Variants in ADGRL3 observed in about 807,000 individuals in gnomAD.
The protein encoded by ADGRL3 is adhesion G protein-coupled receptor L3, also known as calcium-independent alpha-latrotoxin receptor 3.
In ADGRL3, 62 loss-of-function variants were observed where a neutral mutation model predicts 153.5. The observed-to-expected ratio is 0.40, with a 90% CI of 0.33 to 0.50. The LOEUF (loss-of-function observed/expected upper bound fraction) is 0.50, where lower values mean the gene tolerates loss of function less well. Ranked by LOEUF, ADGRL3 falls within the 20% of genes least tolerant of loss-of-function variation. The pLI is 0.47. For missense variants in ADGRL3, 1,641 were observed against 1,859.4 expected (o/e 0.88, Z 2.16); for synonymous variants, 710 against 672.5 (o/e 1.06, Z -0.86).
intron 9 of ADGRL3, among the ~76,000 whole-genome samples, chr4:61,863,765 A>G (rs2098373054): frequency 2.0e-5 from 3 of 152,222 alleles, no homozygotes; most frequent in Admixed American, 2.0e-4. Context: ...AAGGCACAAA[A>G]ATCACTGCCA....
chr4:61,276,583 T>C (rs2093471161), intron 1 of ADGRL3, among the ~76,000 whole-genome samples: 1 of 152,176 alleles, frequency 6.6e-6, no homozygotes, highest in African/African-American at 2.4e-5. Flanking sequence ...TTTTGTGTTA[T>C]AGATTTTTGA....
In ADGRL3 at chr4:61,756,502, A is replaced by G. The variant is rs1014089404; in HGVS notation, c.1399+22948A>G. On this transcript the variant is annotated intron_variant, in intron 8 of 26. Transcript: ENST00000683033. ...GAGACTTTGCTGAAGTTGCCTATCA[A>G]CTTAAGGAGATTTTGGGCTGAGACG... Among the ~76,000 whole-genome samples the G allele has an allele frequency of 5.3e-5, 8 of 152,194 alleles. No homozygotes were observed. In the East Asian group the frequency reaches 1.5e-3, roughly 29 times the overall value.
chr4:61,684,594 T>G (rs1294443502), intron 6 of ADGRL3, among the ~76,000 whole-genome samples: 3 of 152,162 alleles, frequency 2.0e-5, no homozygotes, highest in African/African-American at 7.2e-5. Context: ...TGCAGGGTAG[T>G]GGTCGTGGGC....
intron 9 of ADGRL3, among the ~76,000 whole-genome samples, chr4:61,833,977 T>A (rs1006461432): frequency 1.2e-3 from 181 of 150,012 alleles, no homozygotes; most frequent in African/African-American, 3.4e-3. Context: ...TTTTTTTTTT[T>A]ATTGTACTTT....
chr4:61,753,458 A>T (rs1421177706), intron 8 of ADGRL3, among the ~76,000 whole-genome samples: 1 of 152,188 alleles, frequency 6.6e-6, no homozygotes, highest in Non-Finnish European at 1.5e-5. Context: ...ATAGTATGGA[A>T]GTTTCCAGTC....
intron 2 of ADGRL3, among the ~76,000 whole-genome samples, chr4:61,437,017 T>G (rs2097456055): frequency 6.6e-6 from 1 of 152,176 alleles, no homozygotes; most frequent in South Asian, 2.1e-4. Flanking sequence ...ACTTTATTTT[T>G]ATAATGCATA....
At chr4:61,699,801 T>G (rs1030911833) in intron 6 of ADGRL3, among the ~76,000 whole-genome samples, 1 of 152,170 alleles carries the variant, frequency 6.6e-6, no homozygotes, top group Non-Finnish European at 1.5e-5. Flanking sequence ...ATGTATTAAA[T>G]TTTTAAATAT....
chr4:61,227,628 T>C (rs889310997), intron 1 of ADGRL3, among the ~76,000 whole-genome samples: 3 of 152,216 alleles, frequency 2.0e-5, no homozygotes, highest in African/African-American at 7.2e-5. Context: ...TCGAATTTTA[T>C]AACCATGAAA....
intron 25 of ADGRL3, among the ~76,000 whole-genome samples, chr4:62,045,349 T>A (rs1053337241): frequency 2.0e-5 from 3 of 152,020 alleles, no homozygotes; most frequent in African/African-American, 7.2e-5. Flanking sequence ...AAGAGGCTAC[T>A]ACAGTCAGCA....
intron 1 of ADGRL3, among the ~76,000 whole-genome samples, chr4:61,366,586 T>G (rs1288499910): frequency 6.6e-6 from 1 of 152,222 alleles, no homozygotes; most frequent in Non-Finnish European, 1.5e-5. Context: ...ATTGGCTTAA[T>G]TGGATCAACT....
intron 6 of ADGRL3, among the ~76,000 whole-genome samples, chr4:61,693,542 AT>A (rs2095578742): frequency 6.6e-6 from 1 of 152,142 alleles, no homozygotes; most frequent in South Asian, 2.1e-4. Flanking sequence ...GAGTAATTTG[AT>A]TTTAAGGCTT....
chr4:61,565,262 A>G (rs1411280849), intron 4 of ADGRL3, among the ~76,000 whole-genome samples: 3 of 152,204 alleles, frequency 2.0e-5, no homozygotes, highest in African/African-American at 4.8e-5. Flanking sequence ...TGTTCTTTTC[A>G]TATCATCTAT....
intron 8 of ADGRL3, among the ~76,000 whole-genome samples, chr4:61,784,942 G>T (rs1406814451): frequency 1.3e-5 from 2 of 152,100 alleles, no homozygotes; most frequent in African/African-American, 4.8e-5. Context: ...CAGTAAAAGA[G>T]AAATTATAAT....
chr4:62,065,838 A>G (rs1742690958), intron 25 of ADGRL3, among the ~76,000 whole-genome samples: 1 of 151,978 alleles, frequency 6.6e-6, no homozygotes, highest in African/African-American at 2.4e-5. Context: ...AAAACTATCA[A>G]ACTGCAGTTC....
intron 8 of ADGRL3, among the ~76,000 whole-genome samples, chr4:61,809,603 C>G (rs2097585896): frequency 6.6e-6 from 1 of 152,066 alleles, no homozygotes; most frequent in African/African-American, 2.4e-5. Context: ...TCATCGCACT[C>G]CAGATACCCT....
intron 1 of ADGRL3, among the ~76,000 whole-genome samples, chr4:61,264,499 A>G (rs2092728049): frequency 6.6e-6 from 1 of 151,950 alleles, no homozygotes; most frequent in Non-Finnish European, 1.5e-5. Flanking sequence ...CTTCTTTCTA[A>G]ATCACAGAAA....
intron 17 of ADGRL3, among the ~76,000 whole-genome samples, chr4:61,961,306 A>G (rs1354435623): frequency 6.6e-6 from 1 of 152,162 alleles, no homozygotes; most frequent in Non-Finnish European, 1.5e-5. Flanking sequence ...CGATCTTTTA[A>G]TTCCCCAGGT....
rs200644915 is a variant in ADGRL3 at position 61,762,211 on chromosome 4, CAGAA to C, written c.1399+28662_1399+28665del. Among the ~76,000 whole-genome samples the C allele has an allele frequency of 1.0e-2, 1,520 of 152,120 alleles. 41 individuals carry two copies. Among genetic ancestry groups the C allele is most frequent in the African/African-American group, 0.035 (1,445 of 41,514 alleles). On this transcript the variant is annotated intron_variant, in intron 8 of 26. Coordinates refer to ENST00000683033, the MANE Select transcript of ADGRL3 (RefSeq NM_001387552.1). ...ACTGATTATGAGTGATTTATGTAGA[CAGAA>C]AGAACATTGACAAATTTCTAGGAAT...
chr4:61,971,796 C>G lies in ADGRL3; in HGVS notation c.2806-7767C>G, dbSNP rs576081897. Among the ~76,000 whole-genome samples the G allele has an allele frequency of 9.2e-5, 14 of 152,286 alleles. No homozygotes were observed. The South Asian group carries it at 2.7e-3, about 29-fold the overall frequency. ...CCAACAGTGTAAAATGTTCCTATTT[C>G]TCCACATCCTCTCCAGCACCTGTTG... On this transcript the variant is annotated intron_variant, in intron 17 of 26. Coordinates refer to ENST00000683033, the MANE Select transcript of ADGRL3 (RefSeq NM_001387552.1).
Sources: gnomAD v4.1 joint callset for allele counts (sites outside exome capture counted in the v4.1 genomes callset) on GRCh38, gnomAD v4.1.1 for gene constraint, MANE v1.5 for transcripts, NCBI Gene and HGNC (gene_info 2026-07-23, HGNC 2026-07-21) for gene names.